Variants in PEX5L observed in about 807,000 individuals in gnomAD.
PEX5L encodes PEX5-related protein.
Under a neutral mutation model 84.0 loss-of-function variants are expected in PEX5L, and 30 were observed. The ratio of observed to expected loss-of-function variants is 0.36; its 90% CI spans 0.27 to 0.48. The LOEUF (loss-of-function observed/expected upper bound fraction) is 0.48, where lower values mean the gene tolerates loss of function less well. PEX5L is among the 20% of genes least tolerant of loss of function. PEX5L has a pLI of 0.99. For missense variants in PEX5L, 533 were observed against 754.6 expected (o/e 0.71, Z 3.44); for synonymous variants, 270 against 283.1 (o/e 0.95, Z 0.46).
intron 4 of PEX5L, among the ~76,000 whole-genome samples, chr3:179,887,042 G>T (rs768133193): frequency 6.6e-6 from 1 of 152,194 alleles, no homozygotes; most frequent in Non-Finnish European, 1.5e-5. Context: ...TATGCCAGTG[G>T]CATCCTGTAC....
chr3:179,835,887 C>A (rs1734755906), intron 8 of PEX5L, among the ~76,000 whole-genome samples: 1 of 151,998 alleles, frequency 6.6e-6, no homozygotes, highest in Admixed American at 6.6e-5. Flanking sequence ...AAAATTCACT[C>A]AAAATATGAG....
chr3:179,990,652 C>T (rs918599553), intron 1 of PEX5L, among the ~76,000 whole-genome samples: 1 of 152,152 alleles, frequency 6.6e-6, no homozygotes, highest in Non-Finnish European at 1.5e-5. Context: ...ATCCTCCCAC[C>T]CCTGCCTCCC....
intron 2 of PEX5L, among the ~76,000 whole-genome samples, chr3:179,920,810 AG>A (rs376333364): frequency 2.6e-5 from 4 of 152,352 alleles, no homozygotes; most frequent in African/African-American, 7.2e-5. Context: ...ATGCTCGGAA[AG>A]TATTTTTGAA....
Position 179,904,564 on chromosome 3 carries a change from G to A in PEX5L, c.94-6318C>T, listed in dbSNP as rs1014939141. Among the ~76,000 whole-genome samples, 4 of 152,052 alleles carry A rather than the reference G, an allele frequency of 2.6e-5. No individual in the cohort carries two copies. The East Asian group carries it at 7.7e-4, about 29-fold the overall frequency. ...GAGATTATGACTTTCATGGGCCCTA[G>A]GCACTTTTGGCTTCACGAGCTACTG... On this transcript the variant is annotated intron_variant, in intron 2 of 14. Coordinates refer to ENST00000467460, the MANE Select transcript of PEX5L (RefSeq NM_016559.3).
rs1718852277 is a variant in PEX5L at position 179,801,555 on chromosome 3, A to C, written c.*273T>G. ...TTGCAATATGCTTGCAACTTGTGGAAAGAGTATTCAACACACAGTTACTTT... is the reference window on the plus strand; with the variant it reads ...TTGCAATATGCTTGCAACTTGTGGACAGAGTATTCAACACACAGTTACTTT... On this transcript the variant is annotated 3_prime_UTR_variant, in exon 15 of 15. Transcript: ENST00000467460. The C allele has an allele frequency of 5.5e-6, 2 of 364,448 alleles. No homozygotes were observed. Among genetic ancestry groups the C allele is most frequent in the Non-Finnish European group, 1.0e-5 (2 of 200,178 alleles). The allele number at this position is 364,448 out of a possible 1,614,324, so 22.6% of individuals were successfully genotyped here.
intron 5 of PEX5L, 104 bp from the exon 6 acceptor site, chr3:179,875,581 A>G: frequency 1.3e-6 from 1 of 761,760 alleles, no homozygotes; most frequent in Non-Finnish European, 2.1e-6. Context: ...TGCAGAGGGA[A>G]AAAGATTAAT....
chr3:179,806,410 T>C (rs1488149114), intron 14 of PEX5L, among the ~76,000 whole-genome samples: 2 of 152,194 alleles, frequency 1.3e-5, no homozygotes, highest in East Asian at 3.9e-4. Flanking sequence ...TAAGGAGTCA[T>C]TCAGCTCTTC....
intron 1 of PEX5L, among the ~76,000 whole-genome samples, chr3:179,978,238 T>C (rs1283487361): frequency 1.3e-5 from 2 of 152,198 alleles, no homozygotes. Context: ...TTTTGGTCTG[T>C]ACATTAATAG....
intron 10 of PEX5L, among the ~76,000 whole-genome samples, chr3:179,812,482 C>T (rs1455169606): frequency 2.0e-5 from 3 of 151,924 alleles, no homozygotes; most frequent in African/African-American, 7.3e-5. Context: ...TACCTTAAGC[C>T]CTTTTTCATG....
intron 1 of PEX5L, among the ~76,000 whole-genome samples, chr3:180,010,438 C>T (rs537931429): frequency 6.6e-6 from 1 of 151,926 alleles, no homozygotes; most frequent in East Asian, 1.9e-4. Context: ...AGGCACTCTA[C>T]AATCCAAAGG....
intron 10 of PEX5L, among the ~76,000 whole-genome samples, chr3:179,815,526 A>G (rs1725725073): frequency 6.6e-6 from 1 of 152,218 alleles, no homozygotes; most frequent in Non-Finnish European, 1.5e-5. Context: ...CGGAGGTTGC[A>G]GTGAGCAGAG....
chr3:179,802,549 AAAAAAG>A (rs1560142483), intron 14 of PEX5L, among the ~76,000 whole-genome samples: 2 of 147,180 alleles, frequency 1.4e-5, no homozygotes, highest in African/African-American at 5.1e-5. Context: ...AAAAAAAAAA[AAAAAAG>A]AAAAGAAAAG....
intron 1 of PEX5L, among the ~76,000 whole-genome samples, chr3:179,980,427 C>T (rs956014862): frequency 2.6e-5 from 4 of 152,104 alleles, no homozygotes; most frequent in African/African-American, 9.7e-5. Context: ...ATTACTCTCA[C>T]CCCTAGATTC....
intron 2 of PEX5L, among the ~76,000 whole-genome samples, chr3:179,957,507 G>C (rs1780880495): frequency 6.6e-6 from 1 of 152,174 alleles, no homozygotes; most frequent in Non-Finnish European, 1.5e-5. Flanking sequence ...AGTGACACTG[G>C]ACATGTGCCA....
At chr3:180,026,475 T>G (rs1790969387) in intron 1 of PEX5L, among the ~76,000 whole-genome samples, 1 of 152,188 alleles carries the variant, frequency 6.6e-6, no homozygotes, top group African/African-American at 2.4e-5. Context: ...TTCCCGCACA[T>G]GGAGGAAAAA....
chr3:179,811,326 G>C (rs1472651113), intron 11 of PEX5L, among the ~76,000 whole-genome samples: 1 of 152,106 alleles, frequency 6.6e-6, no homozygotes, highest in Non-Finnish European at 1.5e-5. Context: ...TAGGGAAAGT[G>C]GAAGTCTATT....
At chr3:179,840,191 T>G (rs1290703836) in intron 8 of PEX5L, among the ~76,000 whole-genome samples, 24 of 141,816 alleles carry the variant, frequency 1.7e-4, no homozygotes, top group Admixed American at 1.3e-3. Flanking sequence ...GTGTTTTTTT[T>G]TTTTTTTTTT....
intron 2 of PEX5L, among the ~76,000 whole-genome samples, chr3:179,948,565 C>G (rs927494877): frequency 1.3e-5 from 2 of 152,102 alleles, no homozygotes; most frequent in African/African-American, 4.8e-5. Context: ...TGTGGATCCA[C>G]GGAGAGAATT....
chr3:179,887,271 G>T (rs1429235845), intron 4 of PEX5L, among the ~76,000 whole-genome samples: 4 of 152,132 alleles, frequency 2.6e-5, no homozygotes, highest in Non-Finnish European at 4.4e-5. Flanking sequence ...CACTTGAAAA[G>T]GTTGCCACAT....
Sources: allele counts gnomAD v4.1 joint callset (sites outside exome capture counted in the v4.1 genomes callset), GRCh38; gene constraint gnomAD v4.1.1; transcripts MANE v1.5; gene names NCBI Gene and HGNC (gene_info 2026-07-23, HGNC 2026-07-21).